The following VWF variants were observed in gnomAD, a reference collection of about 807,000 sequenced individuals.
The protein encoded by VWF is Factor VIII related antigen.
A neutral mutation model predicts 308.6 loss-of-function variants in VWF; 176 were observed. The ratio of observed to expected loss-of-function variants is 0.57; its 90% CI spans 0.50 to 0.65. The LOEUF (loss-of-function observed/expected upper bound fraction) is 0.65, where lower values mean the gene tolerates loss of function less well. VWF is among the 30% of genes least tolerant of loss of function. The pLI, the probability that VWF is intolerant of heterozygous loss-of-function variation, is 0.00. For synonymous variants in VWF, 1,385 were observed against 1,443.4 expected (o/e 0.96, Z 0.92); for missense variants, 3,146 against 3,648.2 (o/e 0.86, Z 3.55).
At chr12:6,027,474 A>C (rs1406192599) in intron 22 of VWF, among the ~76,000 whole-genome samples, 1 of 152,204 alleles carries the variant, frequency 6.6e-6, no homozygotes, top group Non-Finnish European at 1.5e-5. Context: ...CATGGGATGA[A>C]GAGTTTAACC....
intron 20 of VWF, among the ~76,000 whole-genome samples, chr12:6,032,535 G>C (rs1171229543): frequency 2.7e-5 from 4 of 147,944 alleles, no homozygotes; most frequent in Non-Finnish European, 4.5e-5. Flanking sequence ...CTACTAGGGA[G>C]GCCGAGGCAG....
At chr12:6,103,779 A>G (rs1945210703) in intron 5 of VWF, among the ~76,000 whole-genome samples, 1 of 152,188 alleles carries the variant, frequency 6.6e-6, no homozygotes, top group Non-Finnish European at 1.5e-5. Context: ...AGATGTATTA[A>G]AGACTTGAAT....
chr12:6,094,307 G>C (rs1295098539), intron 6 of VWF, among the ~76,000 whole-genome samples: 1 of 152,212 alleles, frequency 6.6e-6, no homozygotes, highest in Non-Finnish European at 1.5e-5. Flanking sequence ...TTCAGGCACA[G>C]CCTCTCACTC....
intron 42 of VWF, among the ~76,000 whole-genome samples, chr12:5,980,181 G>A (rs186226447): frequency 1.3e-3 from 65 of 50,784 alleles, no homozygotes; most frequent in Middle Eastern, 0.012. Flanking sequence ...GAGGGAGGGA[G>A]GGAGGGAAGG....
chr12:5,982,869 C>T lies in VWF; in HGVS notation c.7081+281G>A, dbSNP rs2236773. ...GATGGGCAGAAATAAAGATTAGATTCGGAGGCCTCCTCATCTCAGCCCCAG... is the reference window on the plus strand; with the variant it reads ...GATGGGCAGAAATAAAGATTAGATTTGGAGGCCTCCTCATCTCAGCCCCAG... On this transcript the variant is annotated intron_variant, in intron 41 of 51. Transcript: ENST00000261405. Among the ~76,000 whole-genome samples, 11,482 of 152,142 alleles carry T rather than the reference C, an allele frequency of 0.075. 635 individuals are homozygous for T. The highest frequency in any genetic ancestry group is 0.25 in the East Asian group (1,298 of 5,166).
intron 29 of VWF, 30 bp from the exon 30 acceptor site, chr12:6,016,686 T>C (rs1944063667): frequency 6.2e-7 from 1 of 1,614,092 alleles, no homozygotes; most frequent in African/African-American, 1.3e-5. Flanking sequence ...GCGGATTATT[T>C]TGAATCAAGT....
chr12:5,955,388 C>T (rs1943236525), intron 47 of VWF, among the ~76,000 whole-genome samples: 1 of 151,424 alleles, frequency 6.6e-6, no homozygotes, highest in Non-Finnish European at 1.5e-5. Flanking sequence ...CCACACCAGT[C>T]CCCAGAGTGT....
intron 37 of VWF, among the ~76,000 whole-genome samples, chr12:5,993,505 C>T (rs951944771): frequency 4.6e-5 from 7 of 151,922 alleles, no homozygotes; most frequent in Non-Finnish European, 8.8e-5. Flanking sequence ...TTTACAGATG[C>T]CTATATGTGT....
chr12:6,092,670 T>C (rs979215046), intron 6 of VWF, among the ~76,000 whole-genome samples: 1 of 144,416 alleles, frequency 6.9e-6, no homozygotes, highest in Non-Finnish European at 1.5e-5. Flanking sequence ...TGTGTGTGTG[T>C]GTGCTGACCA....
intron 44 of VWF, among the ~76,000 whole-genome samples, chr12:5,971,190 C>T (rs922939666): frequency 5.9e-5 from 9 of 152,194 alleles, no homozygotes; most frequent in African/African-American, 2.2e-4. Context: ...CCTAAAACCA[C>T]CAAGGAGGTT....
chr12:6,095,089 G>A (rs1945091738), intron 6 of VWF, among the ~76,000 whole-genome samples: 1 of 151,894 alleles, frequency 6.6e-6, no homozygotes, highest in South Asian at 2.1e-4. Context: ...TGAGCCACAG[G>A]ACCCGGCTTC....
chr12:5,966,025 C>T (rs1385052925), intron 47 of VWF, among the ~76,000 whole-genome samples: 3 of 152,208 alleles, frequency 2.0e-5, no homozygotes, highest in East Asian at 1.9e-4. Flanking sequence ...TCTCCAGATA[C>T]GGAGGAAGCG....
intron 47 of VWF, among the ~76,000 whole-genome samples, chr12:5,955,623 G>A (rs1468421427): frequency 6.6e-6 from 1 of 151,936 alleles, no homozygotes; most frequent in Non-Finnish European, 1.5e-5. Flanking sequence ...ATCATTGTTG[G>A]ACATATGGGT....
At chr12:6,122,473 T>G (rs1677574731) in intron 2 of VWF, among the ~76,000 whole-genome samples, 1 of 152,148 alleles carries the variant, frequency 6.6e-6, no homozygotes, top group Non-Finnish European at 1.5e-5. Context: ...AATCTCTAAG[T>G]GTTCTGGGTT....
intron 6 of VWF, among the ~76,000 whole-genome samples, chr12:6,076,143 C>G (rs10849380): frequency 0.12 from 18,165 of 152,030 alleles, 2,869 homozygotes; most frequent in African/African-American, 0.37. Context: ...CAACAGCATG[C>G]GCTGATTCTG....
chr12:6,014,533 C>T (rs1944036798), intron 31 of VWF, among the ~76,000 whole-genome samples: 1 of 152,048 alleles, frequency 6.6e-6, no homozygotes, highest in South Asian at 2.1e-4. Context: ...ATAGTTTGTT[C>T]GTGGCTTGCA....
At chr12:5,953,820 T>C (rs1943220428) in intron 47 of VWF, 1 of 551,600 alleles carries the variant, frequency 1.8e-6, no homozygotes, top group Non-Finnish European at 3.3e-6. Flanking sequence ...CAGCCAGTCC[T>C]ATTAAATGAG....
At chr12:6,089,392 C>G (rs1945007187) in intron 6 of VWF, among the ~76,000 whole-genome samples, 2 of 152,154 alleles carry the variant, frequency 1.3e-5, no homozygotes, top group African/African-American at 2.4e-5. Context: ...GTGGCCTCAG[C>G]CCAACACGAA....
At chr12:6,027,394 A>G (rs1944207280) in intron 22 of VWF, among the ~76,000 whole-genome samples, 6 of 152,206 alleles carry the variant, frequency 3.9e-5, no homozygotes, top group Admixed American at 3.9e-4. Context: ...ATCAGCCCAA[A>G]CTATCTATAG....
Sources: allele counts gnomAD v4.1 joint callset (sites outside exome capture counted in the v4.1 genomes callset), GRCh38; gene constraint gnomAD v4.1.1; transcripts MANE v1.5; gene names NCBI Gene and HGNC (gene_info 2026-07-23, HGNC 2026-07-21).